CAMK2G: variants seen among roughly 807,000 people sequenced by gnomAD.
The protein encoded by CAMK2G is calcium/calmodulin-dependent protein kinase type II subunit gamma.
CAMK2G carries 23 observed loss-of-function variants against 88.7 expected under a neutral mutation model. The observed-to-expected ratio is 0.26, with a 90% confidence interval of 0.19 to 0.37. The LOEUF (loss-of-function observed/expected upper bound fraction) is 0.37. Ranked by LOEUF, CAMK2G falls within the 10% of genes least tolerant of loss-of-function variation. The probability of loss-of-function intolerance (pLI) is 1.00; values close to 1 mark genes in which losing one functional copy is unlikely to be tolerated. For missense variants in CAMK2G, 476 were observed against 780.8 expected (o/e 0.61, Z 4.65); for synonymous variants, 263 against 294.8 (o/e 0.89, Z 1.11).
At chr10:73,834,144 T>A (rs2092911913) in intron 14 of CAMK2G, among the ~76,000 whole-genome samples, 1 of 151,166 alleles carries the variant, frequency 6.6e-6, no homozygotes, top group Admixed American at 6.6e-5. Flanking sequence ...GGTCTCGATC[T>A]CCTGACCTCG....
At chr10:73,817,142 C>A in intron 20 of CAMK2G, 25 bp from the exon 21 acceptor site, 1 of 1,584,516 alleles carries the variant, frequency 6.3e-7, no homozygotes, top group South Asian at 1.2e-5. Flanking sequence ...AAAAAAGCAG[C>A]CTATCAGGCT....
At position 73,852,322 on chromosome 10, in the gene CAMK2G, G is replaced by A; in HGVS notation, c.276-3C>T. On this transcript the variant is annotated splice_region_variant and splice_polypyrimidine_tract_variant and intron_variant, in intron 4 of 22. Coordinates refer to ENST00000423381, the MANE Select transcript of CAMK2G (RefSeq NM_001367534.1). ...CAAACAGCTCCCCGCCGGTAACACT[G>A]CAACCAACGGGAAGAAGAGGGTCAG... 6.2e-7 allele frequency: 1 copy of A among 1,613,694 alleles called. No homozygotes were observed. The highest frequency in any genetic ancestry group is 1.1e-5 in the South Asian group (1 of 91,068).
At chr10:73,828,199 G>A (rs2091601179) in intron 14 of CAMK2G, 78 bp from the exon 15 acceptor site, 1 of 1,200,174 alleles carries the variant, frequency 8.3e-7, no homozygotes, top group East Asian at 2.3e-5. Flanking sequence ...CTGCAGGTTA[G>A]CGCACCAGTG....
chr10:73,871,135 T>C (rs1205504169), intron 2 of CAMK2G, among the ~76,000 whole-genome samples: 2 of 151,336 alleles, frequency 1.3e-5, no homozygotes, highest in Non-Finnish European at 2.9e-5. Context: ...CTGAAGCATA[T>C]ACTTTTACAC....
At chr10:73,831,023 A>T (rs2092342305) in intron 14 of CAMK2G, among the ~76,000 whole-genome samples, 1 of 152,150 alleles carries the variant, frequency 6.6e-6, no homozygotes, top group Non-Finnish European at 1.5e-5. Flanking sequence ...CATAACATTG[A>T]TCAAAACCTT....
At chr10:73,870,494 C>A (rs1319534565) in intron 2 of CAMK2G, among the ~76,000 whole-genome samples, 2 of 152,198 alleles carry the variant, frequency 1.3e-5, no homozygotes, top group Admixed American at 6.5e-5. Flanking sequence ...TTGGACCCCC[C>A]CAGAAGAACA....
intron 1 of CAMK2G, chr10:73,873,621 G>T: frequency 1.4e-6 from 1 of 693,462 alleles, no homozygotes; most frequent in Non-Finnish European, 1.8e-6. Context: ...CTGACAGCAA[G>T]GGAAGAGAGG....
At position 73,839,630 on chromosome 10, in the gene CAMK2G, G is replaced by GAGCCCCGCAA. The variant is rs1387834038; in HGVS notation, c.947-39_947-30dup. ...AGGGGATACAGTCTCTCAGTGCACA[G>GAGCCCCGCAA]AGCCCCGCAAAGCCACGGGGCCGTC... On this transcript the variant is annotated intron_variant, in intron 12 of 22. Coordinates refer to ENST00000423381, the MANE Select transcript of CAMK2G (RefSeq NM_001367534.1). This position sits in a 1 kb window ranked among gnomAD's most constrained non-coding sequence, Gnocchi z 4.2. The GAGCCCCGCAA allele has an allele frequency of 8.2e-7, 1 of 1,215,118 alleles. No homozygotes were observed. Among genetic ancestry groups the GAGCCCCGCAA allele is most frequent in the Non-Finnish European group, 1.0e-6 (1 of 971,432 alleles). 75.3% of individuals were successfully genotyped at this position (1,215,118 alleles called of 1,614,324 possible).
intron 5 of CAMK2G, among the ~76,000 whole-genome samples, chr10:73,851,760 G>A (rs1373938402): frequency 7.3e-6 from 1 of 137,776 alleles, no homozygotes; most frequent in Admixed American, 7.2e-5. Context: ...TGGGGGGGGG[G>A]AGGGGGACAT....
At chr10:73,865,231 G>A (rs149665732) in intron 2 of CAMK2G, among the ~76,000 whole-genome samples, 247 of 152,306 alleles carry the variant, frequency 1.6e-3, no homozygotes, top group Middle Eastern at 0.014. Flanking sequence ...TTGCAGTCCT[G>A]GAGGTGGAGT....
chr10:73,835,894 G>T (rs1413220593), intron 14 of CAMK2G, among the ~76,000 whole-genome samples: 1 of 152,112 alleles, frequency 6.6e-6, no homozygotes, highest in Non-Finnish European at 1.5e-5. Flanking sequence ...GAGTGCAATG[G>T]CGCAATCTTG....
intron 2 of CAMK2G, 94 bp downstream of exon 2, chr10:73,872,895 A>G: frequency 2.4e-6 from 2 of 848,570 alleles, no homozygotes; most frequent in Non-Finnish European, 4.1e-6. Context: ...TCCAAGTGCT[A>G]AAACGCACAA....
At chr10:73,850,253 T>C (rs557800556) in intron 5 of CAMK2G, among the ~76,000 whole-genome samples, 25 of 152,280 alleles carry the variant, frequency 1.6e-4, no homozygotes, top group African/African-American at 4.8e-4. Context: ...CACCTTGGCC[T>C]CTCAGTGTTG....
intron 15 of CAMK2G, among the ~76,000 whole-genome samples, chr10:73,826,452 A>T (rs1283393888): frequency 1.3e-5 from 2 of 152,066 alleles, no homozygotes; most frequent in South Asian, 2.1e-4. Flanking sequence ...AAAGCAAACG[A>T]ACAAACAAAA....
chr10:73,844,627 T>C (rs1456225404), intron 10 of CAMK2G, among the ~76,000 whole-genome samples: 1 of 151,692 alleles, frequency 6.6e-6, no homozygotes, highest in East Asian at 1.9e-4. Context: ...CAGGCTGGTC[T>C]TGAACTCGTG....
chr10:73,842,012 A>G lies in CAMK2G; in HGVS notation c.946+157T>C. 1 of 642,530 alleles carries G rather than the reference A, an allele frequency of 1.6e-6. No individual in the cohort carries two copies. Among genetic ancestry groups the G allele is most frequent in the Non-Finnish European group, 2.8e-6 (1 of 351,728 alleles). The allele number at this position is 642,530 out of a possible 1,614,324, so 39.8% of individuals were successfully genotyped here. A position where few individuals can be genotyped will look rare whatever the true frequency, so the allele number is the denominator to read the frequency against. ...CCCCTGAATCTCAGGAGCAGGACTC[A>G]GCAGCAGCAGCAGCCCCTCAAAACA... is the stretch of plus-strand genomic sequence containing the variant. On this transcript the variant is annotated intron_variant, in intron 12 of 22. Transcript: ENST00000423381. This position sits in a 1 kb window ranked among gnomAD's most constrained non-coding sequence, Gnocchi z 4.6.
chr10:73,818,749 C>T, intron 19 of CAMK2G: 1 of 456,120 alleles, frequency 2.2e-6, no homozygotes, highest in South Asian at 1.5e-5. Context: ...GCACCCACAA[C>T]ACACACACCC....
At chr10:73,869,803 C>T (rs936322188) in intron 2 of CAMK2G, among the ~76,000 whole-genome samples, 5 of 152,232 alleles carry the variant, frequency 3.3e-5, no homozygotes, top group African/African-American at 1.2e-4. Flanking sequence ...TAACAGATTT[C>T]AAAACACTGT....
At chr10:73,823,034 G>C (rs753267456) in intron 17 of CAMK2G, among the ~76,000 whole-genome samples, 1 of 151,092 alleles carries the variant, frequency 6.6e-6, no homozygotes, top group East Asian at 2.0e-4. Flanking sequence ...GGTAATTTCT[G>C]TATCTTTAGT....
Sources: allele counts gnomAD v4.1 joint callset (sites outside exome capture counted in the v4.1 genomes callset), GRCh38; gene constraint gnomAD v4.1.1; non-coding constraint Gnocchi (gnomAD v3.1); transcripts MANE v1.5; gene names NCBI Gene and HGNC (gene_info 2026-07-23, HGNC 2026-07-21).